The following RAG1 variants were observed in gnomAD, a reference collection of about 807,000 sequenced individuals.
RAG1 encodes the protein V(D)J recombination-activating protein 1.
In RAG1, 35 loss-of-function variants were observed where a neutral mutation model predicts 62.7. The observed-to-expected ratio is 0.56, with a 90% CI of 0.43 to 0.74. The LOEUF (loss-of-function observed/expected upper bound fraction) is 0.74, where lower values mean the gene tolerates loss of function less well. RAG1 is among the 30% of genes least tolerant of loss of function. The pLI is 0.00. For synonymous variants in RAG1, 461 were observed against 470.3 expected (o/e 0.98, Z 0.26); for missense variants, 1,169 against 1,278.6 (o/e 0.91, Z 1.31).
chr11:36,575,489 A>G lies in RAG1; in HGVS notation c.2185A>G (p.Ile729Val), dbSNP rs201192233. ...CCTCGAGGCTTCTGGCTCAGTCTAC[A>G]TTTGTACTCTTTGTGATGCCACCCG... is the stretch of plus-strand genomic sequence containing the variant. ...EGLEASGSVY[I>V]CTLCDATRLE... The change falls in exon 2 of 2, where the codon ATT becomes GTT. Residue 729 changes from isoleucine to valine, a missense_variant. Coordinates refer to ENST00000299440, the MANE Select transcript of RAG1 (RefSeq NM_000448.3). This position sits in a 1 kb window ranked among gnomAD's most constrained non-coding sequence, Gnocchi z 4.1. 6.2e-7 allele frequency: 1 copy of G among 1,614,156 alleles called. No individual in the cohort carries two copies. Among genetic ancestry groups the G allele is most frequent in the Non-Finnish European group, 8.5e-7 (1 of 1,180,030 alleles).
intron 3 of RAG1, among the ~76,000 whole-genome samples, chr11:36,561,347 G>A (rs1463690256): frequency 6.6e-6 from 1 of 152,154 alleles, no homozygotes; most frequent in Non-Finnish European, 1.5e-5. Flanking sequence ...GATGAGGTGA[G>A]GTCTTTGGAT....
chr11:36,529,874 C>T lies in RAG1; in HGVS notation n.429-6085C>T, dbSNP rs1490733292. Among the ~76,000 whole-genome samples, 8 of 151,148 alleles carry T rather than the reference C, an allele frequency of 5.3e-5. No homozygotes were observed. The South Asian group carries it at 8.3e-4, about 16-fold the overall frequency. On this transcript the variant is annotated intron_variant and non_coding_transcript_variant, in intron 2 of 2. Coordinates refer to the RAG1 transcript ENST00000529126. ...ATGGTTTTTTTTTTCTCTTATTTTC[C>T]GGAAAAGATTGTGTACAATTGATGT...
downstream of RAG1, among the ~76,000 whole-genome samples, chr11:36,538,641 C>T (rs1054824774): frequency 3.3e-5 from 5 of 152,160 alleles, no homozygotes; most frequent in South Asian, 6.2e-4. Context: ...GTGAAGTTTT[C>T]GAGCGGTTTT....
At chr11:36,544,557 A>G (rs1397902145) in intron 3 of RAG1, among the ~76,000 whole-genome samples, 2 of 152,190 alleles carry the variant, frequency 1.3e-5, no homozygotes, top group South Asian at 2.1e-4. Context: ...ATATGTTTCT[A>G]TATTTTCCCT....
upstream of RAG1, chr11:36,563,584 C>G (rs1267403893): frequency 6.7e-6 from 1 of 148,640 alleles, no homozygotes; most frequent in Non-Finnish European, 1.5e-5. Flanking sequence ...CCTTTTCCAT[C>G]TCTCTCCAGA....
At chr11:36,565,809 A>G (rs1454979746), upstream of RAG1, 1 of 152,208 alleles carries the variant, frequency 6.6e-6, no homozygotes, top group East Asian at 1.9e-4. Context: ...TCTCAATAGG[A>G]GACAAGTGAC....
chr11:36,514,208 C>A (rs1859964951), intron 1 of RAG1, among the ~76,000 whole-genome samples: 1 of 152,138 alleles, frequency 6.6e-6, no homozygotes, highest in Non-Finnish European at 1.5e-5. Context: ...CCCAGTCAAG[C>A]CATCAGATGA....
intron 1 of RAG1, among the ~76,000 whole-genome samples, chr11:36,570,821 C>T (rs1219827291): frequency 6.6e-6 from 1 of 152,120 alleles, no homozygotes; most frequent in Non-Finnish European, 1.5e-5. Flanking sequence ...GTATGTCTTC[C>T]TTTGAGAAAT....
chr11:36,531,370 G>A (rs1860252265), intron 2 of RAG1, among the ~76,000 whole-genome samples: 1 of 151,644 alleles, frequency 6.6e-6, no homozygotes, highest in Non-Finnish European at 1.5e-5. Flanking sequence ...TATTTTATTA[G>A]TTGTTTTATC....
chr11:36,573,235 T>C (rs967082224), intron 1 of RAG1, 56 bp from the exon 2 acceptor site: 1 of 1,501,524 alleles, frequency 6.7e-7, no homozygotes, highest in African/African-American at 1.4e-5. Context: ...ATTTATAAGA[T>C]ACATCAGTGG....
Position 36,573,714 on chromosome 11 carries a change from C to A in RAG1, c.410C>A (p.Thr137Asn). ...GTCCATGGTCCTGTGGATGGTAAAA[C>A]CCTAGGCCTTTTACGAAAGAAGGAA... ...YPVHGPVDGK[T>N]LGLLRKKEKR... The change falls in exon 2 of 2, where the codon ACC becomes AAC. Residue 137 changes from threonine to asparagine, a missense_variant. Physicochemically the swap from Thr to Asn is moderately conservative, Grantham distance 65. This residue lies in a region of RAG1 where 369 missense variants were observed against 335.3 expected (regional missense o/e 1.10). Coordinates refer to ENST00000299440, the MANE Select transcript of RAG1 (RefSeq NM_000448.3). 1 of 1,614,034 alleles carries A rather than the reference C, an allele frequency of 6.2e-7. No individual in the cohort carries two copies. The highest frequency in any genetic ancestry group is 8.5e-7 in the Non-Finnish European group (1 of 1,180,030).
At chr11:36,563,410 C>T (rs1295222852), upstream of RAG1, 4 of 152,054 alleles carry the variant, frequency 2.6e-5, no homozygotes, top group Admixed American at 6.5e-5. Flanking sequence ...GATCTCAGGA[C>T]TTCGGGCTTG....
chr11:36,573,717 T>C lies in RAG1; in HGVS notation c.413T>C (p.Leu138Pro). 1 of 1,614,060 alleles carries C rather than the reference T, an allele frequency of 6.2e-7. No individual in the cohort carries two copies. The highest frequency in any genetic ancestry group is 8.5e-7 in the Non-Finnish European group (1 of 1,180,034). Reference sequence around the variant, plus strand: ...CATGGTCCTGTGGATGGTAAAACCCTAGGCCTTTTACGAAAGAAGGAAAAG... The same window carrying C: ...CATGGTCCTGTGGATGGTAAAACCCCAGGCCTTTTACGAAAGAAGGAAAAG... ...PVHGPVDGKT[L>P]GLLRKKEKRA... The change falls in exon 2 of 2, where the codon CTA (leucine) becomes CCA (proline). Residue 138 changes from leucine to proline, a missense_variant. By Grantham distance (98) the Leu-to-Pro change is moderately conservative. Transcript: ENST00000299440.
At chr11:36,572,027 C>T (rs548328540) in intron 1 of RAG1, among the ~76,000 whole-genome samples, 1 of 152,264 alleles carries the variant, frequency 6.6e-6, no homozygotes, top group South Asian at 2.1e-4. Context: ...AACCCTTGCC[C>T]CTCCGTACCT....
At chr11:36,563,431 C>T (rs962919719), upstream of RAG1, 1 of 151,822 alleles carries the variant, frequency 6.6e-6, no homozygotes, top group Non-Finnish European at 1.5e-5. Context: ...GACTGAATTA[C>T]ACTACGGATT....
chr11:36,575,020 C>T lies in RAG1; in HGVS notation c.1716C>T (p.Asp572=), dbSNP rs748506228. Residue 572 remains aspartate (D), a synonymous_variant, in exon 2 of 2, where the codon GAC becomes GAT. Transcript: ENST00000299440. The surrounding 1 kb of genome is among the most constrained non-coding windows in gnomAD (Gnocchi z 4.1). ...YDSALVSALM[D]MEEDILEGMR... ...CAGCTTTGGTGTCTGCTTTGATGGA[C>T]ATGGAAGAAGACATCTTGGAAGGCA... 3.1e-6 allele frequency: 5 copies of T among 1,613,926 alleles called. No individual in the cohort carries two copies. The African/African-American group carries it at 6.7e-5, about 22-fold the overall frequency.
chr11:36,515,280 C>T lies in RAG1; in HGVS notation n.330+4242C>T, dbSNP rs151291410. Among the ~76,000 whole-genome samples, 608 of 151,056 alleles carry T rather than the reference C, an allele frequency of 4.0e-3. 5 individuals carry two copies. Among genetic ancestry groups the T allele is most frequent in the African/African-American group, 0.014 (573 of 41,076 alleles). ...AAGAAAGAATGAGGTAATTAAAAGG[C>T]GAAAGAGGAATTCGATATGATGGGA... On this transcript the variant is annotated intron_variant and non_coding_transcript_variant, in intron 1 of 2. Transcript: ENST00000529126.
At chr11:36,557,833 A>C (rs992528558) in intron 3 of RAG1, among the ~76,000 whole-genome samples, 5 of 152,116 alleles carry the variant, frequency 3.3e-5, no homozygotes, top group Non-Finnish European at 7.4e-5. Flanking sequence ...AAACCACTGC[A>C]TTTTGTCTTT....
rs759858884 is a variant in RAG1 at position 36,573,462 on chromosome 11, T to C, written c.158T>C (p.Phe53Ser). 4 of 1,614,060 alleles carry C rather than the reference T, an allele frequency of 2.5e-6. No individual in the cohort carries two copies. Among genetic ancestry groups the C allele is most frequent in the Non-Finnish European group, 2.5e-6 (3 of 1,180,044 alleles). The change falls in exon 2 of 2, where the codon TTT (phenylalanine) becomes TCT (serine). Residue 53 changes from phenylalanine (F) to serine (S), a missense_variant. Around this residue, in one of 2 missense-constraint regions of RAG1, gnomAD observed 369 missense variants for 335.3 expected, o/e 1.10. Coordinates refer to ENST00000299440, the MANE Select transcript of RAG1 (RefSeq NM_000448.3). ...EEAQKEKKDS[F>S]EGKPSLEQSP... The stretch of plus-strand genomic sequence containing the variant: ...GCTCAAAAGGAAAAGAAGGATTCCT[T>C]TGAGGGGAAACCCTCTCTGGAGCAA...
Sources: gnomAD v4.1 joint callset for allele counts (sites outside exome capture counted in the v4.1 genomes callset) on GRCh38, gnomAD v4.1.1 for gene constraint, gnomAD v4.1.1 regional missense constraint, Gnocchi (gnomAD v3.1) non-coding constraint, MANE v1.5 for transcripts, NCBI Gene and HGNC (gene_info 2026-07-23, HGNC 2026-07-21) for gene names.